Variants in LRRC53 observed in about 807,000 individuals in gnomAD.
The protein encoded by LRRC53 is leucine-rich repeat-containing protein 53.
LRRC53 carries 25 observed loss-of-function variants against 13.6 expected under a neutral mutation model. That is an observed-to-expected ratio of 1.83 (90% CI 1.34 to 2.56). LRRC53 has a LOEUF of 2.56. Among genes scored for constraint, LRRC53 ranks in the 30% most tolerant of loss-of-function variants. LRRC53 has a pLI of 0.00. For synonymous variants in LRRC53, 204 were observed against 109.8 expected (o/e 1.86, Z -5.37); for missense variants, 527 against 275.8 (o/e 1.91, Z -6.45).
the LRRC53 span, among the ~76,000 whole-genome samples, chr1:74,518,959 G>C: frequency 2.0e-5 from 2 of 98,060 alleles, no homozygotes; most frequent in African/African-American, 5.9e-5. Flanking sequence ...GTATACATGT[G>C]CCATGCTGGT....
chr1:74,521,717 A>G, the LRRC53 span, among the ~76,000 whole-genome samples: 1 of 152,184 alleles, frequency 6.6e-6, no homozygotes, highest in Admixed American at 6.5e-5. Context: ...CATTTCAGCA[A>G]AGCGTGATAA....
intron 3 of LRRC53, among the ~76,000 whole-genome samples, chr1:74,477,433 C>A (rs115267674): frequency 5.2e-4 from 79 of 152,150 alleles, no homozygotes; most frequent in African/African-American, 1.9e-3. Flanking sequence ...TTAGGTTTTG[C>A]ATTGCTCTAT....
At chr1:74,494,975 A>G (rs1483309531) in intron 1 of LRRC53, among the ~76,000 whole-genome samples, 2 of 152,224 alleles carry the variant, frequency 1.3e-5, no homozygotes, top group East Asian at 1.9e-4. Context: ...TGAAGGGTGG[A>G]GGGGACAGAG....
At chr1:74,493,628 C>T (rs1049897018) in intron 1 of LRRC53, among the ~76,000 whole-genome samples, 20 of 152,162 alleles carry the variant, frequency 1.3e-4, no homozygotes, top group African/African-American at 4.8e-4. Flanking sequence ...ATTTCTTGCT[C>T]ACTTGTTTGT....
chr1:74,513,816 G>A (rs569620722), upstream of LRRC53, among the ~76,000 whole-genome samples: 1 of 152,226 alleles, frequency 6.6e-6, no homozygotes, highest in South Asian at 2.1e-4. Context: ...TCCTGTCAAA[G>A]TTTCACAAAA....
intron 1 of LRRC53, among the ~76,000 whole-genome samples, chr1:74,507,429 T>TAC (rs968176103): frequency 6.6e-6 from 1 of 152,072 alleles, no homozygotes; most frequent in African/African-American, 2.4e-5. Context: ...TCAATTGCCA[T>TAC]ACACACACAC....
At chr1:74,500,158 C>T (rs1669535741) in intron 1 of LRRC53, among the ~76,000 whole-genome samples, 1 of 151,690 alleles carries the variant, frequency 6.6e-6, no homozygotes, top group Admixed American at 6.6e-5. Flanking sequence ...TCTATAATAC[C>T]TCTTTATTTT....
At chr1:74,535,458 G>A in the LRRC53 span, among the ~76,000 whole-genome samples, 3 of 151,914 alleles carry the variant, frequency 2.0e-5, no homozygotes, top group Non-Finnish European at 2.9e-5. Context: ...TGACTGAGAG[G>A]GACCGTGTCT....
chr1:74,492,283 G>GCAAAT lies in LRRC53; in HGVS notation c.-26-8913_-26-8909dup, dbSNP rs745508804. The GCAAAT allele has an allele frequency of 1.2e-5, 18 of 1,477,442 alleles. No individual in the cohort carries two copies. Among genetic ancestry groups the GCAAAT allele is most frequent in the Admixed American group, 1.9e-5 (1 of 53,402 alleles). The allele number at this position is 1,477,442 out of a possible 1,614,324, so 91.5% of individuals were successfully genotyped here. On this transcript the variant is annotated intron_variant, in intron 1 of 4. Coordinates refer to ENST00000294635, the MANE Select transcript of LRRC53 (RefSeq NM_001382280.1). ...GTCCCAAAGGTGAGTGGTAATATAAGCAAATCTCACAGTAAAGTCTTATTT... is the reference window on the plus strand; with the variant it reads ...GTCCCAAAGGTGAGTGGTAATATAAGCAAATCAAATCTCACAGTAAAGTCTTATTT...
chr1:74,492,078 T>G, intron 1 of LRRC53: 1 of 1,492,022 alleles, frequency 6.7e-7, no homozygotes, highest in Non-Finnish European at 9.1e-7. Context: ...ACAATTGAAA[T>G]TGCCCCTCCT....
chr1:74,510,354 A>C (rs977683740), intron 1 of LRRC53, among the ~76,000 whole-genome samples: 1 of 152,010 alleles, frequency 6.6e-6, no homozygotes, highest in African/African-American at 2.4e-5. Flanking sequence ...AAAATACAAA[A>C]AATATTAGCC....
In LRRC53 at chr1:74,470,462, T is replaced by C; in HGVS notation, c.3160A>G (p.Ser1054Gly). Residue 1054 changes from serine (S) to glycine (G), a missense_variant, in exon 5 of 5, where the codon AGT (serine) becomes GGT (glycine). Ser to Gly is a moderately conservative substitution (Grantham distance 56, BLOSUM62 0). Coordinates refer to ENST00000294635, the MANE Select transcript of LRRC53 (RefSeq NM_001382280.1). The part of the protein sequence containing the change: ...SSQAVWHLTN[S>G]SEKGIDSTNA... ...GTGCTGTCAATTCCTTTTTCGCTAC[T>C]ATTGGTTAGGTGCCAAACGGCTTGA... The C allele has an allele frequency of 2.5e-6, 1 of 400,708 alleles. No homozygotes were observed. The highest frequency in any genetic ancestry group is 3.6e-5 in the East Asian group (1 of 28,062). 24.8% of individuals were successfully genotyped at this position (400,708 alleles called of 1,614,324 possible).
At position 74,470,778 on chromosome 1, in the gene LRRC53, T is replaced by C. The variant is rs1667888130; in HGVS notation, c.2844A>G (p.Gln948=). 2.5e-6 allele frequency: 1 copy of C among 400,718 alleles called. No individual in the cohort carries two copies. Among genetic ancestry groups the C allele is most frequent in the Non-Finnish European group, 4.4e-6 (1 of 226,180 alleles). 24.8% of individuals were successfully genotyped at this position (400,718 alleles called of 1,614,324 possible). ...DSYNKEYTLD[Q]NEALQHREQN... is the part of the protein sequence containing the mutation. ...GCTCTCTGTGTTGTAAGGCTTCATT[T>C]TGGTCTAAAGTGTATTCCTTGTTGT... Residue 948 remains glutamine (Q), a synonymous_variant, in exon 5 of 5, where the codon CAA becomes CAG. Transcript: ENST00000294635.
At chr1:74,534,179 C>A in the LRRC53 span, among the ~76,000 whole-genome samples, 4 of 151,032 alleles carry the variant, frequency 2.6e-5, no homozygotes, top group African/African-American at 9.8e-5. Context: ...TGTTCTGGGT[C>A]TCTTTATTTA....
chr1:74,503,970 C>A (rs987524267), intron 1 of LRRC53, among the ~76,000 whole-genome samples: 1 of 152,162 alleles, frequency 6.6e-6, no homozygotes, highest in African/African-American at 2.4e-5. Context: ...GGGGAGTGGT[C>A]TTTCACAAAG....
chr1:74,491,569 A>C (rs550394501), intron 1 of LRRC53, among the ~76,000 whole-genome samples: 1 of 152,326 alleles, frequency 6.6e-6, no homozygotes, highest in African/African-American at 2.4e-5. Context: ...AACATCTGAA[A>C]AACTATCACA....
At chr1:74,535,242 C>T in the LRRC53 span, among the ~76,000 whole-genome samples, 1 of 152,008 alleles carries the variant, frequency 6.6e-6, no homozygotes, top group Admixed American at 6.6e-5. Flanking sequence ...TTTGGGAGGT[C>T]GAGGTGGGTG....
chr1:74,489,265 C>A, intron 1 of LRRC53: 1 of 1,603,678 alleles, frequency 6.2e-7, no homozygotes, highest in Non-Finnish European at 8.5e-7. Context: ...GCTTTAGCTT[C>A]TGAAATATGT....
Position 74,483,273 on chromosome 1 carries a change from G to T in LRRC53, c.77C>A (p.Thr26Asn). The T allele has an allele frequency of 1.4e-6, 1 of 717,350 alleles. No individual in the cohort carries two copies. The highest frequency in any genetic ancestry group is 2.6e-6 in the Non-Finnish European group (1 of 384,936). The allele number at this position is 717,350 out of a possible 1,614,324, so 44.4% of individuals were successfully genotyped here. A position where few individuals can be genotyped will look rare whatever the true frequency, so the allele number is the denominator to read the frequency against. ...ATTAGTTTTATTACCTACTATATAGGTTAGCTGGTGACAGAGGGTTACATC... is the reference window on the plus strand; with the variant it reads ...ATTAGTTTTATTACCTACTATATAGTTTAGCTGGTGACAGAGGGTTACATC... ...TKDVTLCHQL[T>N]YIVAAPMTTR... Residue 26 changes from threonine (T) to asparagine (N), a missense_variant, in exon 2 of 5, where the codon ACC (threonine) becomes AAC (asparagine). By Grantham distance (65) the Thr-to-Asn change is moderately conservative. Transcript: ENST00000294635.
Sources: allele counts gnomAD v4.1 joint callset (sites outside exome capture counted in the v4.1 genomes callset), GRCh38; gene constraint gnomAD v4.1.1; transcripts MANE v1.5; gene names NCBI Gene and HGNC (gene_info 2026-07-23, HGNC 2026-07-21).